Variants in CAMKMT observed in about 807,000 individuals in gnomAD.
CAMKMT encodes calmodulin-lysine N-methyltransferase, also known as CaM KMT.
Under a neutral mutation model 48.0 loss-of-function variants are expected in CAMKMT, and 53 were observed. The observed-to-expected ratio is 1.10, with a 90% CI of 0.89 to 1.39. The LOEUF is 1.39. Among genes scored for constraint, CAMKMT ranks in the 40% most tolerant of loss-of-function variants. The pLI is 0.00. For missense variants in CAMKMT, 428 were observed against 402.7 expected (o/e 1.06, Z -0.54); for synonymous variants, 165 against 152.3 (o/e 1.08, Z -0.61).
intron 2 of CAMKMT, among the ~76,000 whole-genome samples, chr2:44,386,035 T>C (rs1385173543): frequency 6.6e-6 from 1 of 152,124 alleles, no homozygotes; most frequent in Non-Finnish European, 1.5e-5. Flanking sequence ...TGTGGAATAG[T>C]GTTAAAAGGA....
At chr2:44,442,423 G>A (rs1350979005) in intron 3 of CAMKMT, among the ~76,000 whole-genome samples, 1 of 152,054 alleles carries the variant, frequency 6.6e-6, no homozygotes, top group Non-Finnish European at 1.5e-5. Flanking sequence ...TGCTTTGTTA[G>A]TCTAATGCCA....
chr2:44,602,482 A>T (rs906621092), intron 3 of CAMKMT, among the ~76,000 whole-genome samples: 1 of 152,114 alleles, frequency 6.6e-6, no homozygotes, highest in African/African-American at 2.4e-5. Context: ...TAGATTTTAC[A>T]ACTAACATCT....
intron 3 of CAMKMT, among the ~76,000 whole-genome samples, chr2:44,443,013 C>T (rs1666766016): frequency 1.3e-5 from 2 of 152,148 alleles, no homozygotes; most frequent in South Asian, 2.1e-4. Flanking sequence ...CCCGGCAGCA[C>T]GTTCTTCTGT....
intron 7 of CAMKMT, among the ~76,000 whole-genome samples, chr2:44,735,549 G>A (rs1354239069): frequency 6.6e-6 from 1 of 151,886 alleles, no homozygotes; most frequent in Non-Finnish European, 1.5e-5. Context: ...AGATTTTATA[G>A]TATGTATCTT....
At chr2:44,602,359 T>G (rs1454159727) in intron 3 of CAMKMT, among the ~76,000 whole-genome samples, 1 of 152,130 alleles carries the variant, frequency 6.6e-6, no homozygotes, top group African/African-American at 2.4e-5. Flanking sequence ...CTACCTAGTA[T>G]TCTATAGTGT....
chr2:44,375,978 G>A (rs1286184336), intron 2 of CAMKMT, among the ~76,000 whole-genome samples: 1 of 151,906 alleles, frequency 6.6e-6, no homozygotes, highest in Non-Finnish European at 1.5e-5. Context: ...AATAGAGACA[G>A]GGTTTCACCA....
intron 3 of CAMKMT, among the ~76,000 whole-genome samples, chr2:44,454,794 T>C (rs1050916734): frequency 6.6e-6 from 1 of 152,202 alleles, no homozygotes; most frequent in Non-Finnish European, 1.5e-5. Context: ...TAGAATTGTA[T>C]TGTATCAGTG....
At chr2:44,562,073 G>A (rs916681524) in intron 3 of CAMKMT, among the ~76,000 whole-genome samples, 5 of 152,194 alleles carry the variant, frequency 3.3e-5, no homozygotes, top group Admixed American at 3.3e-4. Flanking sequence ...TCAAGCTGAT[G>A]CTTGGAAACT....
chr2:44,763,802 T>G (rs1483344749), intron 9 of CAMKMT, among the ~76,000 whole-genome samples: 1 of 152,218 alleles, frequency 6.6e-6, no homozygotes. Context: ...CATGTGGAGA[T>G]GCATTGCTTT....
At chr2:44,614,890 C>A (rs1671785532) in intron 3 of CAMKMT, among the ~76,000 whole-genome samples, 1 of 148,578 alleles carries the variant, frequency 6.7e-6, no homozygotes, top group Non-Finnish European at 1.5e-5. Flanking sequence ...ACCCAGTCTG[C>A]TACTACTGAC....
At chr2:44,367,176 G>A (rs971719493) in intron 1 of CAMKMT, among the ~76,000 whole-genome samples, 1 of 152,150 alleles carries the variant, frequency 6.6e-6, no homozygotes, top group Non-Finnish European at 1.5e-5. Context: ...TAGGGTAACT[G>A]GAATTGGCCA....
intron 3 of CAMKMT, among the ~76,000 whole-genome samples, chr2:44,682,462 T>C (rs1193054255): frequency 6.6e-6 from 1 of 152,218 alleles, no homozygotes; most frequent in East Asian, 1.9e-4. Context: ...TGAGCTTAGC[T>C]GAAGCATAAT....
chr2:44,493,592 A>T (rs1271081915), intron 3 of CAMKMT, among the ~76,000 whole-genome samples: 1 of 152,170 alleles, frequency 6.6e-6, no homozygotes, highest in East Asian at 1.9e-4. Flanking sequence ...TTCCCAGGGC[A>T]AGTTGATAAA....
intron 3 of CAMKMT, among the ~76,000 whole-genome samples, chr2:44,640,433 G>A (rs1050160729): frequency 5.3e-5 from 8 of 152,188 alleles, no homozygotes; most frequent in African/African-American, 1.9e-4. Context: ...ACACTGGGTT[G>A]CACATAATTT....
At chr2:44,709,799 C>G (rs929710974) in intron 6 of CAMKMT, among the ~76,000 whole-genome samples, 1 of 151,904 alleles carries the variant, frequency 6.6e-6, no homozygotes, top group African/African-American at 2.4e-5. Flanking sequence ...AAATTACTTT[C>G]TAAGAAGTAA....
Position 44,733,599 on chromosome 2 carries a change from C to T in CAMKMT, c.624-10023C>T, listed in dbSNP as rs538722224. On this transcript the variant is annotated intron_variant, in intron 7 of 10. Transcript: ENST00000378494. ...TTTTCATAGATGACCTTTTTCAGGC[C>T]AAAGAATTTCCTTTCTATTTTTAGG... 2.6e-5 allele frequency among the ~76,000 whole-genome samples: 4 copies of T among 152,146 alleles called. 1 individual carries two copies. The South Asian group carries it at 8.3e-4, about 32-fold the overall frequency.
rs182065436 is a variant in CAMKMT at position 44,708,291 on chromosome 2, G to A, written c.556+829G>A. Among the ~76,000 whole-genome samples the A allele has an allele frequency of 3.7e-3, 418 of 112,602 alleles. 1 individual carries two copies. Among genetic ancestry groups the A allele is most frequent in the African/African-American group, 0.014 (402 of 29,232 alleles). The allele number at this position is 112,602 out of a possible 152,430, so 73.9% of individuals were successfully genotyped here. Reference sequence around the variant, plus strand: ...GACAATCTACTTATTTGAATTTTAAGCTCCTAAACTGCCAAAGCAGTTTTG... The same window carrying A: ...GACAATCTACTTATTTGAATTTTAAACTCCTAAACTGCCAAAGCAGTTTTG... On this transcript the variant is annotated intron_variant, in intron 6 of 10. Transcript: ENST00000378494.
chr2:44,417,788 C>T (rs1472016999), intron 3 of CAMKMT, among the ~76,000 whole-genome samples: 1 of 152,166 alleles, frequency 6.6e-6, no homozygotes, highest in Non-Finnish European at 1.5e-5. Context: ...TATGCAGATT[C>T]CTGATGACGA....
At chr2:44,706,143 A>G in intron 4 of CAMKMT, 144 bp from the exon 5 acceptor site, 2 of 664,532 alleles carry the variant, frequency 3.0e-6, no homozygotes, top group Admixed American at 2.7e-5. Flanking sequence ...GCAAAACGAC[A>G]TGAGGTAGCC....
Sources: gnomAD v4.1 joint callset for allele counts (sites outside exome capture counted in the v4.1 genomes callset) on GRCh38, gnomAD v4.1.1 for gene constraint, MANE v1.5 for transcripts, NCBI Gene and HGNC (gene_info 2026-07-23, HGNC 2026-07-21) for gene names.